The following HSF2BP variants were observed in gnomAD, a reference collection of about 807,000 sequenced individuals.
HSF2BP encodes heat shock transcription factor 2 binding protein, also known as heat shock factor 2-binding protein.
Under a neutral mutation model 35.0 loss-of-function variants are expected in HSF2BP, and 35 were observed. The observed-to-expected ratio is 1.00, with a 90% CI of 0.76 to 1.32. The LOEUF (loss-of-function observed/expected upper bound fraction) is 1.32, where lower values mean the gene tolerates loss of function less well. Among genes scored for constraint, HSF2BP ranks in the 40% most tolerant of loss-of-function variants. HSF2BP has a pLI of 0.00. For synonymous variants in HSF2BP, 114 were observed against 117.4 expected (o/e 0.97, Z 0.18); for missense variants, 326 against 321.7 (o/e 1.01, Z -0.10).
chr21:43,615,025 T>A (rs184352341), intron 6 of HSF2BP, among the ~76,000 whole-genome samples: 1 of 152,332 alleles, frequency 6.6e-6, no homozygotes, highest in East Asian at 1.9e-4. Flanking sequence ...GTAATTACAC[T>A]GCTCCCAATG....
rs144680935 is a variant in HSF2BP at position 43,580,463 on chromosome 21, C to T, written c.796+11762G>A. On this transcript the variant is annotated intron_variant, in intron 8 of 8. Transcript: ENST00000291560. ...TCAACAGTGAAAAATCAAACATTTACATTATGTTTCTTGTTAAAGTTATCA... is the reference window on the plus strand; with the variant it reads ...TCAACAGTGAAAAATCAAACATTTATATTATGTTTCTTGTTAAAGTTATCA... 3.5e-4 allele frequency among the ~76,000 whole-genome samples: 53 copies of T among 152,300 alleles called. No homozygotes were observed. In the East Asian group the frequency reaches 9.4e-3, roughly 27 times the overall value.
At chr21:43,643,226 T>G (rs2147076981) in intron 4 of HSF2BP, among the ~76,000 whole-genome samples, 1 of 152,254 alleles carries the variant, frequency 6.6e-6, no homozygotes, top group African/African-American at 2.4e-5. Flanking sequence ...TACTTCTGAT[T>G]TAATACATCT....
Position 43,627,350 on chromosome 21 carries a change from C to T in HSF2BP, c.574+2972G>A, listed in dbSNP as rs149407321. On this transcript the variant is annotated intron_variant, in intron 6 of 8. Coordinates refer to ENST00000291560, the MANE Select transcript of HSF2BP (RefSeq NM_007031.2). ...ATTATACTAAAACAACAGCAAAGAG[C>T]TCAGCTTAAGCTTAGCTTAAGGCTT... 4.1e-3 allele frequency among the ~76,000 whole-genome samples: 623 copies of T among 152,264 alleles called. 3 individuals are homozygous for T. Among genetic ancestry groups the T allele is most frequent in the Non-Finnish European group, 5.9e-3 (401 of 68,028 alleles).
At chr21:43,585,596 A>T (rs1036847834) in intron 8 of HSF2BP, among the ~76,000 whole-genome samples, 1 of 151,842 alleles carries the variant, frequency 6.6e-6, no homozygotes, top group African/African-American at 2.4e-5. Flanking sequence ...CAATGAGCCA[A>T]GACTGTGCCA....
intron 6 of HSF2BP, among the ~76,000 whole-genome samples, chr21:43,620,568 G>A (rs142655594): frequency 5.1e-4 from 78 of 152,206 alleles, no homozygotes; most frequent in Middle Eastern, 3.4e-3. Flanking sequence ...TGTGGTGATC[G>A]CCTGTAGTCT....
intron 4 of HSF2BP, among the ~76,000 whole-genome samples, chr21:43,636,570 A>T (rs2082561671): frequency 6.6e-6 from 1 of 152,216 alleles, no homozygotes; most frequent in Non-Finnish European, 1.5e-5. Flanking sequence ...CCAATTAAAA[A>T]TGGGCAAAAG....
chr21:43,583,953 A>G (rs1241275643), intron 8 of HSF2BP, among the ~76,000 whole-genome samples: 8 of 103,542 alleles, frequency 7.7e-5, no homozygotes, highest in African/African-American at 1.6e-4. Context: ...CTGCTAAGGG[A>G]GATGAGGACC....
intron 6 of HSF2BP, among the ~76,000 whole-genome samples, chr21:43,615,164 T>C (rs1401598008): frequency 1.3e-5 from 2 of 152,204 alleles, no homozygotes; most frequent in Non-Finnish European, 2.9e-5. Flanking sequence ...TAAAGCATGA[T>C]TCAAACTGAC....
intron 2 of HSF2BP, 81 bp from the exon 3 acceptor site, chr21:43,656,818 C>T (rs2082876679): frequency 1.7e-6 from 2 of 1,173,108 alleles, no homozygotes; most frequent in East Asian, 4.7e-5. Context: ...GCTTTTCTTT[C>T]ACACCTCTTA....
intron 3 of HSF2BP, among the ~76,000 whole-genome samples, chr21:43,646,687 A>AAGTTAACATACCAAAGG (rs2082713037): frequency 6.6e-6 from 1 of 152,214 alleles, no homozygotes; most frequent in Non-Finnish European, 1.5e-5. Context: ...ACCCTAGTGT[A>AAGTTAACATACCAAAGG]AGTTAACATA....
At chr21:43,589,970 T>C (rs535436183) in intron 8 of HSF2BP, among the ~76,000 whole-genome samples, 1 of 152,308 alleles carries the variant, frequency 6.6e-6, no homozygotes, top group Admixed American at 6.5e-5. Flanking sequence ...GTGACACTGA[T>C]TTAGGAAAAA....
At chr21:43,620,215 G>A (rs1328051179) in intron 6 of HSF2BP, among the ~76,000 whole-genome samples, 1 of 152,204 alleles carries the variant, frequency 6.6e-6, no homozygotes, top group African/African-American at 2.4e-5. Context: ...ACAGGAAACA[G>A]GGAACCACGG....
In HSF2BP at chr21:43,634,874, T is replaced by A. The variant is rs768145789; in HGVS notation, c.292-1453A>T. 1.1e-4 allele frequency among the ~76,000 whole-genome samples: 16 copies of A among 152,308 alleles called. 1 individual carries two copies. Among genetic ancestry groups the A allele is most frequent in the Non-Finnish European group, 1.0e-4 (7 of 68,016 alleles). On this transcript the variant is annotated intron_variant, in intron 4 of 8. Coordinates refer to ENST00000291560, the MANE Select transcript of HSF2BP (RefSeq NM_007031.2). ...ATGGTGACACATGAAGAAAACTATG[T>A]CACAGCACTTCCTTTTGGAATTCTA...
intron 6 of HSF2BP, among the ~76,000 whole-genome samples, chr21:43,621,330 C>A (rs2082329050): frequency 6.6e-6 from 1 of 152,090 alleles, no homozygotes; most frequent in African/African-American, 2.4e-5. Context: ...AGTTTGAGAC[C>A]AGTCTGGCCA....
intron 6 of HSF2BP, among the ~76,000 whole-genome samples, chr21:43,614,717 C>G (rs920332498): frequency 2.0e-5 from 3 of 152,162 alleles, no homozygotes; most frequent in Non-Finnish European, 4.4e-5. Context: ...GTCATGCTCA[C>G]AGAGCATTGC....
intron 8 of HSF2BP, among the ~76,000 whole-genome samples, chr21:43,582,280 G>A (rs1325145921): frequency 3.7e-5 from 5 of 134,796 alleles, no homozygotes; most frequent in Admixed American, 7.2e-5. Context: ...GGGGATGAAG[G>A]CCTGCTGAGG....
chr21:43,467,758 C>CACACA, the HSF2BP span, among the ~76,000 whole-genome samples: 3 of 42,102 alleles, frequency 7.1e-5, 1 homozygote, highest in South Asian at 2.3e-3. Flanking sequence ...CACCACACAC[C>CACACA]CACACACCAC....
chr21:43,594,706 G>A (rs536096351), intron 7 of HSF2BP, among the ~76,000 whole-genome samples: 28 of 151,940 alleles, frequency 1.8e-4, no homozygotes, highest in South Asian at 1.0e-3. Flanking sequence ...GAAGAAAGAC[G>A]GTGGGAGGAA....
At chr21:43,625,636 G>C (rs1236580760) in intron 6 of HSF2BP, among the ~76,000 whole-genome samples, 1 of 152,088 alleles carries the variant, frequency 6.6e-6, no homozygotes, top group African/African-American at 2.4e-5. Context: ...GGATCCATTT[G>C]AGAGCTAACC....
Sources: allele counts gnomAD v4.1 joint callset (sites outside exome capture counted in the v4.1 genomes callset), GRCh38; gene constraint gnomAD v4.1.1; transcripts MANE v1.5; gene names NCBI Gene and HGNC (gene_info 2026-07-23, HGNC 2026-07-21).